DGKD: variants seen among roughly 807,000 people sequenced by gnomAD.
DGKD encodes the protein DAG kinase delta.
In DGKD, 68 loss-of-function variants were observed where a neutral mutation model predicts 154.4. The ratio of observed to expected loss-of-function variants is 0.44; its 90% CI spans 0.36 to 0.54. The LOEUF (loss-of-function observed/expected upper bound fraction) is 0.54, where lower values mean the gene tolerates loss of function less well. DGKD is among the 20% of genes least tolerant of loss of function. The pLI is 0.00. For missense variants in DGKD, 1,343 were observed against 1,593.6 expected, an observed-to-expected ratio of 0.84 and a Z score of 2.68; for synonymous variants, 693 against 638.0, an observed-to-expected ratio of 1.09 and a Z score of -1.30.
At chr2:233,391,100 G>A (rs571801704) in intron 3 of DGKD, among the ~76,000 whole-genome samples, 1 of 152,224 alleles carries the variant, frequency 6.6e-6, no homozygotes. Context: ...TTTGGAAAAT[G>A]CAGACAAGTA....
chr2:233,370,779 A>G (rs1024207263), intron 1 of DGKD, among the ~76,000 whole-genome samples: 1 of 151,000 alleles, frequency 6.6e-6, no homozygotes, highest in Non-Finnish European at 1.5e-5. Flanking sequence ...TTTTTGAGAC[A>G]GGGTCTCTGT....
At chr2:233,430,557 C>G (rs1022004920) in intron 3 of DGKD, among the ~76,000 whole-genome samples, 1 of 152,188 alleles carries the variant, frequency 6.6e-6, no homozygotes, top group Non-Finnish European at 1.5e-5. Flanking sequence ...CTTACTTTCT[C>G]TCTCTCTTTT....
In DGKD at chr2:233,354,602, G is replaced by A; in HGVS notation, c.84G>A (p.Glu28=). The A allele has an allele frequency of 8.9e-7, 1 of 1,123,446 alleles. No homozygotes were observed. Among genetic ancestry groups the A allele is most frequent in the Non-Finnish European group, 1.1e-6 (1 of 901,098 alleles). The allele number at this position is 1,123,446 out of a possible 1,614,324, so 69.6% of individuals were successfully genotyped here. The change falls in exon 1 of 30, where the codon GAG becomes GAA. Residue 28 remains glutamate (E), a synonymous_variant. Transcript: ENST00000264057. This position sits in a 1 kb window ranked among gnomAD's most constrained non-coding sequence, Gnocchi z 4.8. The stretch of plus-strand genomic sequence containing the variant: ...CGCCCGAGGAGTCGTCCGACAGCGA[G>A]CCCGAGGCGGAGCCCGGCTCCCCAC... ...PPPPEESSDS[E]PEAEPGSPQK...
chr2:233,398,835 G>A (rs920208772), intron 3 of DGKD, among the ~76,000 whole-genome samples: 3 of 152,048 alleles, frequency 2.0e-5, no homozygotes, highest in Non-Finnish European at 4.4e-5. Flanking sequence ...TGTTGGCCAG[G>A]CTGGTCTTGA....
At position 233,390,995 on chromosome 2, in the gene DGKD, A is replaced by ATCC. The variant is rs1320739904; in HGVS notation, c.348+512_348+513insTCC. Among the ~76,000 whole-genome samples, 4 of 152,330 alleles carry ATCC rather than the reference A, an allele frequency of 2.6e-5. No individual in the cohort carries two copies. In the East Asian group the frequency reaches 7.7e-4, roughly 29 times the overall value. Reference sequence around the variant, plus strand: ...TGATCCACCCTCCTTGGCCTCCCAAAATCCTGGGATTACAGGTGTGAGCCA... The same window carrying ATCC: ...TGATCCACCCTCCTTGGCCTCCCAAATCCATCCTGGGATTACAGGTGTGAGCCA... On this transcript the variant is annotated intron_variant, in intron 3 of 29. Transcript: ENST00000264057.
At chr2:233,370,571 T>TTTTTTG (rs1491264887) in intron 1 of DGKD, among the ~76,000 whole-genome samples, 1,910 of 50,406 alleles carry the variant, frequency 0.038, 42 homozygotes, top group African/African-American at 0.11. Flanking sequence ...GAACTTCTTC[T>TTTTTTG]TTTTTTTTTT....
chr2:233,460,269 C>A lies in DGKD; in HGVS notation c.2905C>A (p.His969Asn), dbSNP rs1318324118. Residue 969 changes from histidine (H) to asparagine (N), a missense_variant, in exon 24 of 30, where the codon CAC becomes AAC. Transcript: ENST00000264057. ...ELPRPPSCSL[H>N]PEMLSEEEAT... ...GCCCCGCCCTCCATCCTGTTCCCTG[C>A]ACCCGGAGATGCTGTCCGAGGAGGA... 1 of 1,614,024 alleles carries A rather than the reference C, an allele frequency of 6.2e-7. No homozygotes were observed. The highest frequency in any genetic ancestry group is 1.1e-5 in the South Asian group (1 of 91,082).
At position 233,445,831 on chromosome 2, in the gene DGKD, C is replaced by G; in HGVS notation, c.1334+69C>G. On this transcript the variant is annotated intron_variant, in intron 11 of 29. Transcript: ENST00000264057. This position sits in a 1 kb window ranked among gnomAD's most constrained non-coding sequence, Gnocchi z 5.5. ...AGACAGGTCCCTTTGACCAGGTGTT[C>G]TTAACCTGGGGTCTGTGGAAAACAT... 1 of 1,495,078 alleles carries G rather than the reference C, an allele frequency of 6.7e-7. No individual in the cohort carries two copies. The highest frequency in any genetic ancestry group is 9.0e-7 in the Non-Finnish European group (1 of 1,116,888). The allele number at this position is 1,495,078 out of a possible 1,614,324, so 92.6% of individuals were successfully genotyped here. A position where few individuals can be genotyped will look rare whatever the true frequency, so the allele number is the denominator to read the frequency against.
At chr2:233,429,392 G>A in intron 3 of DGKD, 1 of 912,652 alleles carries the variant, frequency 1.1e-6, no homozygotes, top group Non-Finnish European at 1.3e-6. Flanking sequence ...CGGGACGTGT[G>A]CTCAGACTTG....
intron 3 of DGKD, among the ~76,000 whole-genome samples, chr2:233,399,528 T>TG (rs1447937697): frequency 6.6e-6 from 1 of 151,668 alleles, no homozygotes; most frequent in Non-Finnish European, 1.5e-5. Context: ...CTGCCTGTGG[T>TG]GGGGGAAGGG....
chr2:233,462,952 C>T (rs1220829274), intron 26 of DGKD, among the ~76,000 whole-genome samples: 2 of 152,236 alleles, frequency 1.3e-5, no homozygotes, highest in African/African-American at 2.4e-5. Context: ...GCGCTTGCAG[C>T]GGAAACACCC....
intron 3 of DGKD, among the ~76,000 whole-genome samples, chr2:233,412,645 G>A (rs1050499855): frequency 6.6e-6 from 1 of 152,178 alleles, no homozygotes; most frequent in Non-Finnish European, 1.5e-5. Context: ...TAGGAGTAGC[G>A]AAGGCAGGAA....
At chr2:233,367,941 C>T (rs1220507360) in intron 1 of DGKD, among the ~76,000 whole-genome samples, 1 of 149,416 alleles carries the variant, frequency 6.7e-6, no homozygotes, top group African/African-American at 2.5e-5. Flanking sequence ...ATCCTCCTGC[C>T]TTGGCCTCCC....
intron 3 of DGKD, among the ~76,000 whole-genome samples, chr2:233,425,663 T>G (rs1055291341): frequency 3.9e-5 from 6 of 152,230 alleles, no homozygotes; most frequent in Non-Finnish European, 8.8e-5. Context: ...TTGGCTTTTA[T>G]CTATTAACAG....
chr2:233,409,802 T>G (rs1016326505), intron 3 of DGKD, among the ~76,000 whole-genome samples: 14 of 144,246 alleles, frequency 9.7e-5, no homozygotes, highest in Non-Finnish European at 1.4e-4. Flanking sequence ...TTTTTTTTTT[T>G]TTTTTTTTTT....
Position 233,438,139 on chromosome 2 carries a change from C to T in DGKD, c.923-78C>T. 6.6e-7 allele frequency: 1 copy of T among 1,522,312 alleles called. No homozygotes were observed. Among genetic ancestry groups the T allele is most frequent in the South Asian group, 1.2e-5 (1 of 80,764 alleles). The allele number at this position is 1,522,312 out of a possible 1,614,324, so 94.3% of individuals were successfully genotyped here. A position where few individuals can be genotyped will look rare whatever the true frequency, so the allele number is the denominator to read the frequency against. Reference sequence around the variant, plus strand: ...GGTGTGTGTCCTTTGGGGGGGTCTGCTGCTGCTGATTCCATCAGTGGTGCC... The same window carrying T: ...GGTGTGTGTCCTTTGGGGGGGTCTGTTGCTGCTGATTCCATCAGTGGTGCC... On this transcript the variant is annotated intron_variant, in intron 8 of 29. Transcript: ENST00000264057. The surrounding 1 kb of genome is among the most constrained non-coding windows in gnomAD (Gnocchi z 4.1).
intron 3 of DGKD, among the ~76,000 whole-genome samples, chr2:233,398,538 T>C (rs770323257): frequency 1.3e-5 from 2 of 152,202 alleles, no homozygotes; most frequent in African/African-American, 2.4e-5. Flanking sequence ...TTCTCTTGGG[T>C]TTTCACATGT....
chr2:233,463,703 A>ACCTCACTCCACAGAAAT (rs1559184312), intron 26 of DGKD: 3 of 185,658 alleles, frequency 1.6e-5, no homozygotes, highest in African/African-American at 5.3e-5. Context: ...TCCACGCATC[A>ACCTCACTCCACAGAAAT]CCTCACTCCA....
At chr2:233,450,390 G>A (rs1253916213) in intron 16 of DGKD, among the ~76,000 whole-genome samples, 1 of 152,148 alleles carries the variant, frequency 6.6e-6, no homozygotes, top group Non-Finnish European at 1.5e-5. Context: ...CCTCCCTGAG[G>A]AGCACTTGCG....
Sources: allele counts gnomAD v4.1 joint callset (sites outside exome capture counted in the v4.1 genomes callset), GRCh38; gene constraint gnomAD v4.1.1; non-coding constraint Gnocchi (gnomAD v3.1); transcripts MANE v1.5; gene names NCBI Gene and HGNC (gene_info 2026-07-23, HGNC 2026-07-21).